Variants in MYH15 observed in about 807,000 individuals in gnomAD.
MYH15 encodes the protein myosin-15.
MYH15 carries 227 observed loss-of-function variants against 240.5 expected under a neutral mutation model. The ratio of observed to expected loss-of-function variants is 0.94; its 90% CI spans 0.85 to 1.05. The LOEUF (loss-of-function observed/expected upper bound fraction) is 1.05. MYH15 is among the 50% of genes least tolerant of loss of function. MYH15 has a pLI of 0.00. For synonymous variants in MYH15, 785 were observed against 796.7 expected (o/e 0.99, Z 0.25); for missense variants, 2,217 against 2,247.5 (o/e 0.99, Z 0.27).
At chr3:108,471,289 A>G (rs1184998082) in intron 12 of MYH15, among the ~76,000 whole-genome samples, 1 of 152,132 alleles carries the variant, frequency 6.6e-6, no homozygotes, top group Non-Finnish European at 1.5e-5. Context: ...CTTGCTATTC[A>G]AAGTGTGATC....
the MYH15 span, chr3:108,550,258 T>C: frequency 8.6e-5 from 13 of 151,500 alleles, no homozygotes; most frequent in Non-Finnish European, 1.6e-4. Context: ...TAAAATTAAA[T>C]GAACCAATTA....
chr3:108,482,320 A>G (rs2083273667), intron 11 of MYH15, among the ~76,000 whole-genome samples: 1 of 152,120 alleles, frequency 6.6e-6, no homozygotes, highest in Non-Finnish European at 1.5e-5. Context: ...TAGAAAGGGA[A>G]GAGGAAAGAT....
chr3:108,411,632 A>T (rs952946018), intron 30 of MYH15, among the ~76,000 whole-genome samples: 1 of 152,176 alleles, frequency 6.6e-6, no homozygotes, highest in African/African-American at 2.4e-5. Context: ...ATATGCTACT[A>T]TTAGGAATTC....
chr3:108,430,504 A>G (rs1019065280), intron 26 of MYH15, among the ~76,000 whole-genome samples: 7 of 152,224 alleles, frequency 4.6e-5, no homozygotes, highest in African/African-American at 1.4e-4. Context: ...TACTACTTAA[A>G]TATATTGTTG....
chr3:108,528,745 T>A (rs1476911258), intron 1 of MYH15, among the ~76,000 whole-genome samples: 1 of 152,208 alleles, frequency 6.6e-6, no homozygotes, highest in Non-Finnish European at 1.5e-5. Context: ...TAATTAATAC[T>A]CAGCAGAACC....
chr3:108,422,530 G>GTGA (rs1255557236), intron 27 of MYH15, among the ~76,000 whole-genome samples: 1 of 152,122 alleles, frequency 6.6e-6, no homozygotes, highest in Admixed American at 6.6e-5. Context: ...CCCATCGTGG[G>GTGA]TGATGATGAT....
At chr3:108,422,156 A>C (rs2082688771) in intron 27 of MYH15, among the ~76,000 whole-genome samples, 1 of 152,106 alleles carries the variant, frequency 6.6e-6, no homozygotes, top group South Asian at 2.1e-4. Context: ...GTGGTCTTCC[A>C]TGGTTCTACA....
chr3:108,420,934 T>A (rs1344810508), intron 28 of MYH15, among the ~76,000 whole-genome samples, 154 bp downstream of exon 28: 1 of 152,030 alleles, frequency 6.6e-6, no homozygotes, highest in Admixed American at 6.5e-5. Context: ...ACAAGAGGCA[T>A]GTGTGTGGCA....
chr3:108,383,832 C>T, intron 39 of MYH15, 103 bp from the exon 40 acceptor site: 5 of 951,018 alleles, frequency 5.3e-6, no homozygotes, highest in Non-Finnish European at 5.9e-6. Flanking sequence ...TGAAAAGAAT[C>T]TAAACTTCTG....
the MYH15 span, among the ~76,000 whole-genome samples, chr3:108,534,892 T>G: frequency 3.3e-5 from 5 of 151,966 alleles, no homozygotes; most frequent in Non-Finnish European, 5.9e-5. Context: ...AAAAAATCAT[T>G]AAACCAAGAT....
At chr3:108,550,550 A>G in the MYH15 span, 1 of 151,462 alleles carries the variant, frequency 6.6e-6, no homozygotes, top group East Asian at 1.9e-4. Context: ...ACACAATGAC[A>G]GTTTTCTAAT....
intron 37 of MYH15, among the ~76,000 whole-genome samples, chr3:108,389,450 A>G (rs900285372): frequency 9.2e-5 from 14 of 152,132 alleles, no homozygotes; most frequent in African/African-American, 2.9e-4. Flanking sequence ...TGCTTTCCCT[A>G]TGTTCAGCTC....
intron 36 of MYH15, 126 bp downstream of exon 36, chr3:108,393,905 T>C: frequency 7.1e-7 from 1 of 1,408,018 alleles, no homozygotes; most frequent in Non-Finnish European, 9.8e-7. Context: ...GAGGTCAGAC[T>C]AACCTCCCCC....
chr3:108,510,681 G>A (rs1332947630), upstream of MYH15: 8 of 1,260,094 alleles, frequency 6.3e-6, no homozygotes, highest in African/African-American at 1.5e-5. Flanking sequence ...ACTAAAGAGT[G>A]TTAAGTTTTC....
At chr3:108,472,214 C>T (rs921163888) in intron 12 of MYH15, among the ~76,000 whole-genome samples, 1 of 152,294 alleles carries the variant, frequency 6.6e-6, no homozygotes, top group East Asian at 1.9e-4. Context: ...AAATGCAGAT[C>T]CTACTTCCAT....
At chr3:108,477,285 G>C (rs922634328) in intron 11 of MYH15, among the ~76,000 whole-genome samples, 2 of 152,140 alleles carry the variant, frequency 1.3e-5, no homozygotes, top group Non-Finnish European at 2.9e-5. Flanking sequence ...CATAAGGACA[G>C]AAAGTCGATT....
chr3:108,504,398 C>T lies in MYH15; in HGVS notation c.195+1325G>A, dbSNP rs539307363. Among the ~76,000 whole-genome samples the T allele has an allele frequency of 9.2e-5, 14 of 152,188 alleles. No individual in the cohort carries two copies. The East Asian group carries it at 1.7e-3, about 19-fold the overall frequency. On this transcript the variant is annotated intron_variant, in intron 2 of 40. Coordinates refer to ENST00000693548, the MANE Select transcript of MYH15 (RefSeq NM_014981.3). The stretch of plus-strand genomic sequence containing the variant: ...ATCTACCTAATTTGAGATTTTTTTA[C>T]GTAACAGATATTGACTGTCAGGAAG...
chr3:108,447,415 C>A (rs1468537409), intron 21 of MYH15, among the ~76,000 whole-genome samples: 1 of 151,990 alleles, frequency 6.6e-6, no homozygotes, highest in Admixed American at 6.6e-5. Flanking sequence ...TTCACCAATG[C>A]ACATTATAAT....
intron 11 of MYH15, among the ~76,000 whole-genome samples, chr3:108,481,802 G>A (rs1012231800): frequency 6.6e-6 from 1 of 152,160 alleles, no homozygotes; most frequent in Non-Finnish European, 1.5e-5. Context: ...GCTGTTAAAA[G>A]TAATGACAAA....
Sources: allele counts gnomAD v4.1 joint callset (sites outside exome capture counted in the v4.1 genomes callset), GRCh38; gene constraint gnomAD v4.1.1; transcripts MANE v1.5; gene names NCBI Gene and HGNC (gene_info 2026-07-23, HGNC 2026-07-21).